CFAP20DC: variants seen among roughly 807,000 people sequenced by gnomAD.
CFAP20DC encodes the protein protein CFAP20DC.
Under a neutral mutation model 101.7 loss-of-function variants are expected in CFAP20DC, and 84 were observed. That is an observed-to-expected ratio of 0.83 (90% CI 0.69 to 0.99). The LOEUF (loss-of-function observed/expected upper bound fraction) is 0.99. CFAP20DC is among the 50% of genes least tolerant of loss of function. The probability of loss-of-function intolerance (pLI) is 0.00; values close to 1 mark genes in which losing one functional copy is unlikely to be tolerated. For missense variants in CFAP20DC, 1,007 were observed against 970.3 expected, an observed-to-expected ratio of 1.04 and a Z score of -0.50; for synonymous variants, 359 against 351.2, an observed-to-expected ratio of 1.02 and a Z score of -0.25.
intron 6 of CFAP20DC, among the ~76,000 whole-genome samples, chr3:58,885,505 T>C (rs2081550520): frequency 1.3e-5 from 2 of 151,926 alleles, no homozygotes; most frequent in South Asian, 2.1e-4. Flanking sequence ...TTCCTATCTA[T>C]TTGAAAGTAT....
At chr3:58,737,845 C>T (rs906946926), downstream of CFAP20DC, among the ~76,000 whole-genome samples, 1 of 152,194 alleles carries the variant, frequency 6.6e-6, no homozygotes, top group East Asian at 1.9e-4. This position sits in a 1 kb window ranked among gnomAD's most constrained non-coding sequence, Gnocchi z 4.1. Flanking sequence ...GAAAGGGTGC[C>T]AGTGTCCTCA....
At chr3:58,761,082 A>G (rs1428145498) in intron 15 of CFAP20DC, among the ~76,000 whole-genome samples, 15 of 152,024 alleles carry the variant, frequency 9.9e-5, no homozygotes, top group Admixed American at 5.2e-4. Context: ...CTCTTTTTCT[A>G]TTGATTGGAA....
rs1203653993 is a variant in CFAP20DC, at chr3:58,932,409, G to C, written c.393+5239C>G. 2.0e-5 allele frequency among the ~76,000 whole-genome samples: 3 copies of C among 151,992 alleles called. No homozygotes were observed. The South Asian group carries it at 6.2e-4, about 32-fold the overall frequency. ...CAAGGCAGGCCAACATTCAGATTCA[G>C]GAAATACAGAGAATGCCACAAAGAT... On this transcript the variant is annotated intron_variant, in intron 5 of 16. Transcript: ENST00000482387.
chr3:58,892,011 A>G lies in CFAP20DC; in HGVS notation c.551-7302T>C, dbSNP rs1265136966. ...ATCCATCTTGAGTTGATTTTTGTAT[A>G]TGGTGTAAGAAAGGGGTCCAGCTTC... On this transcript the variant is annotated intron_variant, in intron 6 of 16. Transcript: ENST00000482387. This position sits in a 1 kb window ranked among gnomAD's most constrained non-coding sequence, Gnocchi z 4.0. 1.3e-5 allele frequency among the ~76,000 whole-genome samples: 2 copies of G among 152,190 alleles called. No homozygotes were observed. Among genetic ancestry groups the G allele is most frequent in the East Asian group, 1.9e-4 (1 of 5,192 alleles).
At chr3:59,048,939 G>C (rs1341483870) in intron 1 of CFAP20DC, among the ~76,000 whole-genome samples, 1 of 152,184 alleles carries the variant, frequency 6.6e-6, no homozygotes, top group Non-Finnish European at 1.5e-5. Context: ...CCCAGAAGCA[G>C]TGTTTCTCCA....
Position 58,719,384 on chromosome 3 carries a change from G to A in CFAP20DC, c.198-1756C>T, listed in dbSNP as rs187045244. On this transcript the variant is annotated intron_variant, in intron 3 of 3. Coordinates refer to the CFAP20DC transcript ENST00000486145. ...TGTCAACTTCGTGTGGGCAAGGGTG[G>A]AATGTAATTTGCACACCAGCTTCAG... is the stretch of plus-strand genomic sequence containing the variant. 8.2e-4 allele frequency among the ~76,000 whole-genome samples: 125 copies of A among 152,308 alleles called. No individual in the cohort carries two copies. In the Middle Eastern group the frequency reaches 0.01, roughly 12 times the overall value.
chr3:58,786,045 C>T (rs114181469), intron 15 of CFAP20DC, among the ~76,000 whole-genome samples: 123 of 152,228 alleles, frequency 8.1e-4, no homozygotes, highest in Middle Eastern at 3.4e-3. Flanking sequence ...AAAGATGTTA[C>T]GTAAGCCAGA....
In CFAP20DC at chr3:59,003,101, G is replaced by A. The variant is rs541235691; in HGVS notation, c.278+36456C>T. On this transcript the variant is annotated intron_variant, in intron 4 of 16. Coordinates refer to ENST00000482387, the MANE Select transcript of CFAP20DC (RefSeq NM_001394063.1). The stretch of plus-strand genomic sequence containing the variant: ...ATCACACTAAAAATGCAGCACAGAA[G>A]GGATGAAAAAAATGAAAGGCTTTAA... Among the ~76,000 whole-genome samples, 27 of 152,226 alleles carry A rather than the reference G, an allele frequency of 1.8e-4. No homozygotes were observed. The South Asian group carries it at 5.4e-3, about 30-fold the overall frequency.
At chr3:58,830,204 A>C (rs918635031) in intron 14 of CFAP20DC, among the ~76,000 whole-genome samples, 1 of 152,140 alleles carries the variant, frequency 6.6e-6, no homozygotes, top group Admixed American at 6.5e-5. Flanking sequence ...AAAGAGCACT[A>C]ATCCCCCCAT....
In CFAP20DC at chr3:58,863,400, C is replaced by T; in HGVS notation, c.1593+158G>A. 7.1e-7 allele frequency: 1 copy of T among 1,399,544 alleles called. No individual in the cohort carries two copies. The highest frequency in any genetic ancestry group is 1.8e-5 in the South Asian group (1 of 56,490). The allele number at this position is 1,399,544 out of a possible 1,614,324, so 86.7% of individuals were successfully genotyped here. On this transcript the variant is annotated intron_variant, in intron 12 of 16. Transcript: ENST00000482387. The surrounding 1 kb of genome is among the most constrained non-coding windows in gnomAD (Gnocchi z 5.9). ...AAAAAAAAAGACAGTTTAAAGTTAC[C>T]ATAACAACCTGATGCAACTGTGGAC...
chr3:58,979,640 C>G (rs1043338554), intron 4 of CFAP20DC, among the ~76,000 whole-genome samples: 1 of 152,172 alleles, frequency 6.6e-6, no homozygotes, highest in African/African-American at 2.4e-5. Flanking sequence ...CCTTAAGCAA[C>G]AGCACTGAGT....
chr3:59,026,881 T>C (rs1576764156), intron 4 of CFAP20DC, among the ~76,000 whole-genome samples: 1 of 152,186 alleles, frequency 6.6e-6, no homozygotes, highest in African/African-American at 2.4e-5. Flanking sequence ...GGCTAAAGCT[T>C]TGTTTGGAAG....
chr3:58,987,442 T>G (rs2092789550), intron 4 of CFAP20DC, among the ~76,000 whole-genome samples: 1 of 151,722 alleles, frequency 6.6e-6, no homozygotes, highest in Non-Finnish European at 1.5e-5. Flanking sequence ...ACTCAAAAAG[T>G]TGGAAAAACA....
intron 4 of CFAP20DC, among the ~76,000 whole-genome samples, chr3:59,034,909 T>C (rs1207187780): frequency 6.6e-6 from 1 of 152,136 alleles, no homozygotes; most frequent in East Asian, 1.9e-4. Context: ...CAGTACCACA[T>C]TGCACTTATT....
chr3:58,832,331 T>C (rs1191966520), intron 13 of CFAP20DC, among the ~76,000 whole-genome samples: 2 of 152,194 alleles, frequency 1.3e-5, no homozygotes, highest in African/African-American at 4.8e-5. Flanking sequence ...TTTCTGGAGT[T>C]GGCAGGTTTG....
intron 4 of CFAP20DC, among the ~76,000 whole-genome samples, chr3:58,963,070 C>T (rs1376820149): frequency 6.6e-6 from 1 of 151,896 alleles, no homozygotes; most frequent in Non-Finnish European, 1.5e-5. Flanking sequence ...CTCGCTCTGG[C>T]AATGGAGCTG....
chr3:58,832,631 G>A (rs80194561), intron 13 of CFAP20DC, among the ~76,000 whole-genome samples: 6 of 152,138 alleles, frequency 3.9e-5, no homozygotes, highest in Non-Finnish European at 7.3e-5. Flanking sequence ...ATGGGAACCT[G>A]TCAGTTCTGA....
chr3:58,787,685 C>A (rs2072480294), intron 15 of CFAP20DC, among the ~76,000 whole-genome samples: 1 of 152,046 alleles, frequency 6.6e-6, no homozygotes, highest in Non-Finnish European at 1.5e-5. Flanking sequence ...TAAAGATGCA[C>A]ATGCATGTTT....
Position 58,863,286 on chromosome 3 carries a change from GT to G in CFAP20DC, c.1593+271del. 1 of 1,407,416 alleles carries G rather than the reference GT, an allele frequency of 7.1e-7. No individual in the cohort carries two copies. The highest frequency in any genetic ancestry group is 9.2e-7 in the Non-Finnish European group (1 of 1,089,724). 87.2% of individuals were successfully genotyped at this position (1,407,416 alleles called of 1,614,324 possible). The stretch of plus-strand genomic sequence containing the variant: ...TAAACTGCATATCGTTTCTCATCCT[GT>G]GATTCAAAGATTAAAATGAAAAAAC... On this transcript the variant is annotated intron_variant, in intron 12 of 16. Coordinates refer to ENST00000482387, the MANE Select transcript of CFAP20DC (RefSeq NM_001394063.1). The surrounding 1 kb of genome is among the most constrained non-coding windows in gnomAD (Gnocchi z 5.9).
Sources: gnomAD v4.1 joint callset for allele counts (sites outside exome capture counted in the v4.1 genomes callset) on GRCh38, gnomAD v4.1.1 for gene constraint, Gnocchi (gnomAD v3.1) non-coding constraint, MANE v1.5 for transcripts, NCBI Gene and HGNC (gene_info 2026-07-23, HGNC 2026-07-21) for gene names.